The following CEP170B variants were observed in gnomAD, a reference collection of about 807,000 sequenced individuals.
The protein encoded by CEP170B is centrosomal protein 170B, also known as centrosomal protein of 170 kDa protein B.
A neutral mutation model predicts 120.6 loss-of-function variants in CEP170B; 55 were observed. The ratio of observed to expected loss-of-function variants is 0.46; its 90% confidence interval spans 0.37 to 0.57. The LOEUF is 0.57. Ranked by LOEUF, CEP170B falls within the 20% of genes least tolerant of loss-of-function variation. The pLI is 0.00. For synonymous variants in CEP170B, 1,033 were observed against 954.5 expected (o/e 1.08, Z -1.52); for missense variants, 2,212 against 2,253.3 (o/e 0.98, Z 0.37).
rs1895151645 is a variant in CEP170B at position 104,865,374 on chromosome 14, C to A, written c.-167C>A. ...TCGCCGGGCATGTCCTAGGCGGCGG[C>A]CCCGCCCAGCGCTCGGCCGGGCGGG... is the stretch of plus-strand genomic sequence containing the variant. On this transcript the variant is annotated 5_prime_UTR_variant, in exon 1 of 19. Coordinates refer to ENST00000414716, the MANE Select transcript of CEP170B (RefSeq NM_001112726.3). This position sits in a 1 kb window ranked among gnomAD's most constrained non-coding sequence, Gnocchi z 6.7. 1 of 146,804 alleles carries A rather than the reference C, an allele frequency of 6.8e-6. No individual in the cohort carries two copies. The highest frequency in any genetic ancestry group is 1.5e-5 in the Non-Finnish European group (1 of 66,390). 9.1% of individuals were successfully genotyped at this position (146,804 alleles called of 1,614,324 possible). A position where few individuals can be genotyped will look rare whatever the true frequency, so the allele number is the denominator to read the frequency against.
At position 104,865,987 on chromosome 14, in the gene CEP170B, G is replaced by A. The variant is rs1895184097; in HGVS notation, c.-28+474G>A. On this transcript the variant is annotated intron_variant, in intron 1 of 18. Coordinates refer to ENST00000414716, the MANE Select transcript of CEP170B (RefSeq NM_001112726.3). This position sits in a 1 kb window ranked among gnomAD's most constrained non-coding sequence, Gnocchi z 6.7. ...TCCCGGCCTGTGCGCTCCTTCCACC[G>A]CCGGCCTGCCCCGCCCGGCTCGCTG... Among the ~76,000 whole-genome samples, 1 of 152,104 alleles carries A rather than the reference G, an allele frequency of 6.6e-6. No homozygotes were observed. The highest frequency in any genetic ancestry group is 2.1e-4 in the South Asian group (1 of 4,828).
intron 5 of CEP170B, among the ~76,000 whole-genome samples, chr14:104,880,000 A>C (rs1896061105): frequency 6.6e-6 from 1 of 152,022 alleles, no homozygotes; most frequent in African/African-American, 2.4e-5. Context: ...CCTGCTGCCC[A>C]TCCCAGGGCC....
Position 104,865,669 on chromosome 14 carries a change from C to G in CEP170B, c.-28+156C>G, listed in dbSNP as rs1000785822. Among the ~76,000 whole-genome samples, 1 of 151,548 alleles carries G rather than the reference C, an allele frequency of 6.6e-6. No homozygotes were observed. Among genetic ancestry groups the G allele is most frequent in the Non-Finnish European group, 1.5e-5 (1 of 67,820 alleles). On this transcript the variant is annotated intron_variant, in intron 1 of 18. Transcript: ENST00000414716. The surrounding 1 kb of genome is among the most constrained non-coding windows in gnomAD (Gnocchi z 6.7). ...CGGCGCACCTGGTCAGGCGGGTCCC[C>G]GCCGCCGCGGAGGCGGCCCTGGTCT...
At chr14:104,894,495 C>G (rs369462799) in intron 17 of CEP170B, 42 bp from the exon 18 acceptor site, 1 of 1,604,156 alleles carries the variant, frequency 6.2e-7, no homozygotes, top group South Asian at 1.1e-5. Flanking sequence ...GGCTGCAGCC[C>G]GTCAGAAGTT....
intron 12 of CEP170B, 103 bp downstream of exon 12, chr14:104,888,081 T>C: frequency 7.9e-7 from 1 of 1,270,314 alleles, no homozygotes; most frequent in East Asian, 2.6e-5. Context: ...CCCCTGGTCC[T>C]GGCACGAGAG....
Position 104,887,954 on chromosome 14 carries a change from T to C in CEP170B, c.3715T>C (p.Ser1239Pro). 6.5e-7 allele frequency: 1 copy of C among 1,530,630 alleles called. No individual in the cohort carries two copies. Among genetic ancestry groups the C allele is most frequent in the Non-Finnish European group, 8.8e-7 (1 of 1,142,026 alleles). The allele number at this position is 1,530,630 out of a possible 1,614,324, so 94.8% of individuals were successfully genotyped here. A position where few individuals can be genotyped will look rare whatever the true frequency, so the allele number is the denominator to read the frequency against. Residue 1239 changes from serine (S) to proline (P), a missense_variant, in exon 12 of 19, where the codon TCA becomes CCA. Coordinates refer to ENST00000414716, the MANE Select transcript of CEP170B (RefSeq NM_001112726.3). ...GPRQPFSRAR[S>P]GSARYTSTTQ... ...CCGCCAGCCCTTCAGCAGGGCCCGCTCAGGCAGTGCCCGATACACCTCCAG... is the reference window on the plus strand; with the variant it reads ...CCGCCAGCCCTTCAGCAGGGCCCGCCCAGGCAGTGCCCGATACACCTCCAG...
chr14:104,883,568 T>A (rs1896280357), intron 8 of CEP170B, 60 bp downstream of exon 8: 2 of 1,466,322 alleles, frequency 1.4e-6, no homozygotes, highest in Non-Finnish European at 1.8e-6. Flanking sequence ...GGACTTTGGC[T>A]GGGTCTGCAC....
At chr14:104,873,910 C>A (rs1895701489) in intron 2 of CEP170B, among the ~76,000 whole-genome samples, 1 of 152,186 alleles carries the variant, frequency 6.6e-6, no homozygotes, top group Non-Finnish European at 1.5e-5. Context: ...CCCCTGGCCC[C>A]GTGGAGCCCA....
chr14:104,871,678 A>C (rs1895493276), intron 2 of CEP170B, among the ~76,000 whole-genome samples: 1 of 152,136 alleles, frequency 6.6e-6, no homozygotes, highest in Non-Finnish European at 1.5e-5. Flanking sequence ...GGCGGTCAGC[A>C]GACACCTGCC....
chr14:104,882,402 C>CAGGGG lies in CEP170B; in HGVS notation c.473-326_473-325insAGGGG, dbSNP rs1392962314. On this transcript the variant is annotated intron_variant, in intron 6 of 18. Transcript: ENST00000414716. The stretch of plus-strand genomic sequence containing the variant: ...GTTGCAGGACGGAGGTGGGGGGCCC[C>CAGGGG]CACCATGCCCCAGGGGATGAGCCTC... Among the ~76,000 whole-genome samples, 65 of 152,182 alleles carry CAGGGG rather than the reference C, an allele frequency of 4.3e-4. 1 individual carries two copies. The highest frequency in any genetic ancestry group is 5.1e-4 in the Non-Finnish European group (35 of 67,976).
intron 2 of CEP170B, among the ~76,000 whole-genome samples, chr14:104,869,486 T>A (rs1285070104): frequency 6.6e-6 from 1 of 152,076 alleles, no homozygotes; most frequent in African/African-American, 2.4e-5. Context: ...CATGTGCACA[T>A]TCCCTGGGGC....
chr14:104,868,552 A>G lies in CEP170B; in HGVS notation c.102A>G (p.Leu34=). Residue 34 remains leucine (L), a synonymous_variant, in exon 2 of 19, where the codon CTA becomes CTG. Transcript: ENST00000414716. This position sits in a 1 kb window ranked among gnomAD's most constrained non-coding sequence, Gnocchi z 5.9. The part of the protein sequence containing the change: ...FVGREECELM[L]QSRSVDKQHA... ...GGCGTGAGGAGTGTGAGCTCATGCT[A>G]CAGGTTTGCAGGGAGCGCTTGGGGC... 6.5e-7 allele frequency: 1 copy of G among 1,549,294 alleles called. No individual in the cohort carries two copies. Among genetic ancestry groups the G allele is most frequent in the Non-Finnish European group, 8.7e-7 (1 of 1,146,780 alleles).
intron 4 of CEP170B, among the ~76,000 whole-genome samples, 152 bp from the exon 5 acceptor site, chr14:104,878,291 G>A (rs1895967618): frequency 6.6e-6 from 1 of 152,182 alleles, no homozygotes; most frequent in Non-Finnish European, 1.5e-5. Flanking sequence ...CTGAGCACAT[G>A]GGTGGGCATG....
upstream of CEP170B, chr14:104,865,214 G>C (rs1595299895): frequency 7.0e-6 from 1 of 142,526 alleles, no homozygotes; most frequent in South Asian, 1.9e-4. The surrounding 1 kb of genome is among the most constrained non-coding windows in gnomAD (Gnocchi z 6.7). Context: ...GGGGCGGGGC[G>C]GGCGGGGGCG....
At chr14:104,893,982 C>A in intron 16 of CEP170B, 133 bp downstream of exon 16, 1 of 838,404 alleles carries the variant, frequency 1.2e-6, no homozygotes, top group East Asian at 2.7e-5. Context: ...GCAGCCCTCC[C>A]GTGTGCACGT....
chr14:104,878,090 C>T, intron 4 of CEP170B, 127 bp downstream of exon 4: 2 of 760,618 alleles, frequency 2.6e-6, no homozygotes, highest in South Asian at 3.4e-5. Flanking sequence ...CCAAGGATGA[C>T]CCTAGGGCTG....
chr14:104,892,363 C>T (rs937938336), intron 13 of CEP170B, among the ~76,000 whole-genome samples: 1 of 152,134 alleles, frequency 6.6e-6, no homozygotes, highest in African/African-American at 2.4e-5. Context: ...GGGGACTGAG[C>T]TGGCCAGGCT....
At chr14:104,894,068 C>A in intron 16 of CEP170B, 1 of 652,728 alleles carries the variant, frequency 1.5e-6, no homozygotes. Context: ...TCCCCTTCTC[C>A]CCTAGCCCTC....
At position 104,877,857 on chromosome 14, in the gene CEP170B, C is replaced by CG. The variant is rs757214093; in HGVS notation, c.196-28_196-27insG. The CG allele has an allele frequency of 3.3e-6, 3 of 906,110 alleles. No individual in the cohort carries two copies. The East Asian group carries it at 1.1e-4, about 34-fold the overall frequency. 56.1% of individuals were successfully genotyped at this position (906,110 alleles called of 1,614,324 possible). A position where few individuals can be genotyped will look rare whatever the true frequency, so the allele number is the denominator to read the frequency against. ...AGCCACCCACCCGCGCAGCTCCCCCCCCCCCCCCGCCACCTGTTTTCCTGC... is the reference window on the plus strand; with the variant it reads ...AGCCACCCACCCGCGCAGCTCCCCCCGCCCCCCCCGCCACCTGTTTTCCTGC... On this transcript the variant is annotated intron_variant, in intron 3 of 18. Coordinates refer to ENST00000414716, the MANE Select transcript of CEP170B (RefSeq NM_001112726.3).
Sources: gnomAD v4.1 joint callset for allele counts (sites outside exome capture counted in the v4.1 genomes callset) on GRCh38, gnomAD v4.1.1 for gene constraint, Gnocchi (gnomAD v3.1) non-coding constraint, MANE v1.5 for transcripts, NCBI Gene and HGNC (gene_info 2026-07-23, HGNC 2026-07-21) for gene names.